PLXDC1: variants seen among roughly 807,000 people sequenced by gnomAD.
PLXDC1 encodes the protein plexin domain-containing protein 1.
A neutral mutation model predicts 61.3 loss-of-function variants in PLXDC1; 39 were observed. That is an observed-to-expected ratio of 0.64 (90% CI 0.49 to 0.83). PLXDC1 has a LOEUF of 0.83. PLXDC1 is among the 40% of genes least tolerant of loss of function. The pLI is 0.00. For synonymous variants in PLXDC1, 212 were observed against 254.5 expected (o/e 0.83, Z 1.59); for missense variants, 596 against 666.5 (o/e 0.89, Z 1.17).
intron 11 of PLXDC1, among the ~76,000 whole-genome samples, chr17:39,077,077 A>G (rs899931914): frequency 6.6e-6 from 1 of 152,228 alleles, no homozygotes. Context: ...CATGTTGGTC[A>G]GGCTGGTCTC....
rs572250807 is a variant in PLXDC1 at position 39,108,595 on chromosome 17, G to A, written c.469+309C>T. On this transcript the variant is annotated intron_variant, in intron 4 of 13. Transcript: ENST00000315392. The stretch of plus-strand genomic sequence containing the variant: ...CTATCAACAGGGAGCCTGGCCCCAG[G>A]AGCCCAAGCTCTCAGTGGAGTCTCC... The A allele has an allele frequency of 5.1e-5, 26 of 512,490 alleles. 1 individual carries two copies. The South Asian group carries it at 6.3e-4, about 12-fold the overall frequency. The allele number at this position is 512,490 out of a possible 1,614,324, so 31.7% of individuals were successfully genotyped here. A position where few individuals can be genotyped will look rare whatever the true frequency, so the allele number is the denominator to read the frequency against.
chr17:39,087,723 G>C, intron 7 of PLXDC1, 21 bp from the exon 8 acceptor site: 2 of 1,572,894 alleles, frequency 1.3e-6, no homozygotes, highest in Non-Finnish European at 1.7e-6. Context: ...GGCAGAGCCT[G>C]TTGTCAGGAG....
chr17:39,152,114 G>C (rs571002814), upstream of PLXDC1, among the ~76,000 whole-genome samples: 31 of 107,992 alleles, frequency 2.9e-4, no homozygotes, highest in African/African-American at 1.1e-3. Flanking sequence ...CTGCAGCAAA[G>C]ACCCCCAGCT....
chr17:39,139,156 G>C (rs1911850114), intron 2 of PLXDC1, among the ~76,000 whole-genome samples: 1 of 152,196 alleles, frequency 6.6e-6, no homozygotes, highest in East Asian at 1.9e-4. Flanking sequence ...CCCAGGCCAA[G>C]GAGGTTGTCT....
At chr17:39,080,052 A>C (rs939504097) in intron 9 of PLXDC1, 1 of 161,534 alleles carries the variant, frequency 6.2e-6, no homozygotes. Context: ...TCCTTCTGTC[A>C]GGTCCTCTAT....
intron 7 of PLXDC1, among the ~76,000 whole-genome samples, chr17:39,098,519 C>A (rs891505143): frequency 6.6e-6 from 1 of 152,138 alleles, no homozygotes; most frequent in Non-Finnish European, 1.5e-5. Context: ...TGCTGGGGGC[C>A]ATAGAGAGCC....
chr17:39,095,600 C>A (rs1042033938), intron 7 of PLXDC1, among the ~76,000 whole-genome samples: 6 of 152,154 alleles, frequency 3.9e-5, no homozygotes, highest in Admixed American at 3.9e-4. Flanking sequence ...GCAAACACTG[C>A]TGCCCAAACA....
intron 2 of PLXDC1, among the ~76,000 whole-genome samples, chr17:39,112,586 T>G (rs1169776600): frequency 6.6e-6 from 1 of 150,816 alleles, no homozygotes; most frequent in East Asian, 2.0e-4. Flanking sequence ...GCCTCCCAAG[T>G]AACTGGGATT....
At position 39,064,493 on chromosome 17, in the gene PLXDC1, T is replaced by C. The variant is rs543673120; in HGVS notation, c.*3347A>G. 6.6e-6 allele frequency: 1 copy of C among 152,264 alleles called. No individual in the cohort carries two copies. Among genetic ancestry groups the C allele is most frequent in the East Asian group, 1.9e-4 (1 of 5,188 alleles). The allele number at this position is 152,264 out of a possible 1,614,324, so 9.4% of individuals were successfully genotyped here. A position where few individuals can be genotyped will look rare whatever the true frequency, so the allele number is the denominator to read the frequency against. ...GGCTGCTTCTCCCCAGAGTAAAAAA[T>C]GGCAGCAAATAAATGTTAGATCACA... On this transcript the variant is annotated 3_prime_UTR_variant, in exon 14 of 14. Transcript: ENST00000315392.
intron 7 of PLXDC1, 112 bp downstream of exon 7, chr17:39,105,742 A>G: frequency 1.5e-6 from 1 of 655,312 alleles, no homozygotes; most frequent in South Asian, 2.0e-5. Context: ...TTCCCTCTCA[A>G]CTCTCTGCCC....
chr17:39,152,331 T>TA (rs2045379526), upstream of PLXDC1: 1 of 402,768 alleles, frequency 2.5e-6, no homozygotes, highest in East Asian at 3.9e-5. Context: ...CCTCCAGGCC[T>TA]ACTCAGGGCC....
chr17:39,099,506 C>A (rs11870664), intron 7 of PLXDC1, among the ~76,000 whole-genome samples: 3 of 152,070 alleles, frequency 2.0e-5, no homozygotes, highest in Admixed American at 2.0e-4. Flanking sequence ...ACACCAAGAA[C>A]AGTCCCAAGA....
chr17:39,144,239 T>C (rs1385881570), intron 1 of PLXDC1, among the ~76,000 whole-genome samples: 1 of 152,112 alleles, frequency 6.6e-6, no homozygotes, highest in Non-Finnish European at 1.5e-5. Context: ...CCATCAGTTT[T>C]CCTCTCTAAT....
chr17:39,069,851 C>G lies in PLXDC1; in HGVS notation c.1383+5G>C, dbSNP rs377657103. 1.2e-6 allele frequency: 2 copies of G among 1,612,346 alleles called. No homozygotes were observed. The highest frequency in any genetic ancestry group is 1.7e-6 in the Non-Finnish European group (2 of 1,178,730). On this transcript the variant is annotated splice_donor_5th_base_variant and intron_variant, in intron 13 of 13. Coordinates refer to ENST00000315392, the MANE Select transcript of PLXDC1 (RefSeq NM_020405.5). ...AGGAGCCCTGTGGCCACAGATGACA[C>G]GGACCTCGATGAAGAAGAGCGCAGC...
intron 2 of PLXDC1, among the ~76,000 whole-genome samples, chr17:39,131,576 C>A (rs150783161): frequency 1.3e-5 from 2 of 152,048 alleles, no homozygotes; most frequent in African/African-American, 2.4e-5. Context: ...TGGTCTTGAA[C>A]TCCTGACCTC....
intron 7 of PLXDC1, among the ~76,000 whole-genome samples, chr17:39,089,070 C>T (rs182620701): frequency 1.3e-5 from 2 of 151,918 alleles, no homozygotes; most frequent in African/African-American, 2.4e-5. Context: ...AGCAGACAGC[C>T]AGGAATTGAG....
At chr17:39,098,941 C>A (rs772201722) in intron 7 of PLXDC1, among the ~76,000 whole-genome samples, 30 of 152,122 alleles carry the variant, frequency 2.0e-4, no homozygotes, top group Non-Finnish European at 4.1e-4. Flanking sequence ...GCCTTGAATG[C>A]CACACTGAGG....
chr17:39,149,698 C>T (rs2338580), intron 1 of PLXDC1, among the ~76,000 whole-genome samples: 14,340 of 152,114 alleles, frequency 0.094, 738 homozygotes, highest in East Asian at 0.12. Context: ...CTGAAGGGGC[C>T]GCCCTCAGCC....
chr17:39,128,125 A>ATGTGTATATATATGTATCTATATG (rs1911397033), intron 2 of PLXDC1, among the ~76,000 whole-genome samples: 1 of 36,738 alleles, frequency 2.7e-5, no homozygotes. Flanking sequence ...GTATATATAT[A>ATGTGTATATATATGTATCTATATG]TGTGTATATA....
Sources: gnomAD v4.1 joint callset for allele counts (sites outside exome capture counted in the v4.1 genomes callset) on GRCh38, gnomAD v4.1.1 for gene constraint, MANE v1.5 for transcripts, NCBI Gene and HGNC (gene_info 2026-07-23, HGNC 2026-07-21) for gene names.